Variants in OPCML observed in about 807,000 individuals in gnomAD.
The protein encoded by OPCML is opioid binding protein/cell adhesion molecule like.
A neutral mutation model predicts 37.8 loss-of-function variants in OPCML; 13 were observed. That is an observed-to-expected ratio of 0.34 (90% confidence interval 0.22 to 0.55). The LOEUF (loss-of-function observed/expected upper bound fraction) is 0.55. Among genes scored for constraint, OPCML ranks in the 20% least tolerant of loss-of-function variants. The pLI is 0.91. For synonymous variants in OPCML, 176 were observed against 168.8 expected (o/e 1.04, Z -0.33); for missense variants, 341 against 435.6 (o/e 0.78, Z 1.93).
chr11:133,098,957 C>T (rs1216917480), intron 1 of OPCML, among the ~76,000 whole-genome samples: 2 of 152,158 alleles, frequency 1.3e-5, no homozygotes, highest in Non-Finnish European at 2.9e-5. Context: ...GAGAAACCAA[C>T]TTAGCAATTA....
At chr11:133,194,772 C>G (rs1158861439) in intron 1 of OPCML, among the ~76,000 whole-genome samples, 1 of 152,190 alleles carries the variant, frequency 6.6e-6, no homozygotes, top group Non-Finnish European at 1.5e-5. Flanking sequence ...CTTACCTTTT[C>G]AGCTTCATCC....
In OPCML at chr11:133,328,396, G is replaced by T. The variant is rs186809568; in HGVS notation, c.61+203868C>A. ...TGGTCTCGAACTCCTGACCTCAGGT[G>T]ATCCACCTGCCTCGGCCTCCCAATG... On this transcript the variant is annotated intron_variant, in intron 1 of 7. Transcript: ENST00000524381. 1.4e-3 allele frequency among the ~76,000 whole-genome samples: 219 copies of T among 152,234 alleles called. No individual in the cohort carries two copies. In the South Asian group the frequency reaches 0.016, roughly 11 times the overall value.
chr11:132,461,629 C>T (rs964973639), intron 4 of OPCML, among the ~76,000 whole-genome samples: 19 of 152,084 alleles, frequency 1.2e-4, no homozygotes, highest in African/African-American at 3.4e-4. Context: ...AAGAACTTGG[C>T]CTTATAGCTG....
intron 1 of OPCML, among the ~76,000 whole-genome samples, chr11:133,328,119 C>G (rs746245306): frequency 1.3e-4 from 20 of 151,536 alleles, no homozygotes; most frequent in Non-Finnish European, 2.2e-4. Context: ...ATCTATAAAA[C>G]AGAATAATGA....
At chr11:132,775,434 G>C (rs1946777819) in intron 2 of OPCML, among the ~76,000 whole-genome samples, 1 of 152,192 alleles carries the variant, frequency 6.6e-6, no homozygotes, top group Admixed American at 6.5e-5. Context: ...CTTCTCTACA[G>C]AATTATCTAT....
chr11:133,422,221 T>C, intron 1 of OPCML: 1 of 984,822 alleles, frequency 1.0e-6, no homozygotes, highest in Non-Finnish European at 1.2e-6. Context: ...ACTGATTTTA[T>C]ACCTGAGAGC....
At position 132,441,293 on chromosome 11, in the gene OPCML, A is replaced by G. The variant is rs866669699; in HGVS notation, c.506-3934T>C. Among the ~76,000 whole-genome samples the G allele has an allele frequency of 2.9e-4, 42 of 143,288 alleles. 1 individual carries two copies. The highest frequency in any genetic ancestry group is 7.9e-3 in the Middle Eastern group (2 of 254). The allele number at this position is 143,288 out of a possible 152,430, so 94.0% of individuals were successfully genotyped here. On this transcript the variant is annotated intron_variant, in intron 4 of 7. Coordinates refer to ENST00000524381, the MANE Select transcript of OPCML (RefSeq NM_001012393.5). ...CGCCATTCTCCTGCCTCAGCCTCCC[A>G]AGTAGCTGGGACTGCAGGCGCCCGC...
intron 1 of OPCML, among the ~76,000 whole-genome samples, chr11:133,385,588 A>G (rs1480195164): frequency 6.6e-6 from 1 of 152,070 alleles, no homozygotes; most frequent in Admixed American, 6.5e-5. Context: ...TCCAGTCTCC[A>G]GCCTAGCTGT....
chr11:133,522,285 A>G (rs1366403136), intron 1 of OPCML, among the ~76,000 whole-genome samples: 1 of 152,216 alleles, frequency 6.6e-6, no homozygotes, highest in Non-Finnish European at 1.5e-5. Context: ...TTGATAGTGT[A>G]GTGATGATAA....
intron 3 of OPCML, among the ~76,000 whole-genome samples, chr11:132,552,914 C>T (rs1020566153): frequency 1.3e-5 from 2 of 151,764 alleles, no homozygotes; most frequent in African/African-American, 2.4e-5. Context: ...TACAGGTGCC[C>T]GCCACCATGC....
chr11:133,103,708 C>G (rs1157905563), intron 1 of OPCML, among the ~76,000 whole-genome samples: 2 of 152,218 alleles, frequency 1.3e-5, no homozygotes, highest in East Asian at 3.8e-4. Context: ...TCCCCACTCA[C>G]TATTACCTAC....
At chr11:132,650,782 T>C (rs985830090) in intron 3 of OPCML, among the ~76,000 whole-genome samples, 3 of 152,180 alleles carry the variant, frequency 2.0e-5, no homozygotes, top group African/African-American at 7.2e-5. Context: ...TGCTGGCCTG[T>C]CCTGTTGTTT....
chr11:133,528,898 T>C (rs1319521486), intron 1 of OPCML, among the ~76,000 whole-genome samples: 3 of 152,178 alleles, frequency 2.0e-5, no homozygotes, highest in African/African-American at 7.2e-5. Context: ...CAGGAAGTCA[T>C]GGTCTGAATT....
At chr11:133,372,682 T>C (rs1029909611) in intron 1 of OPCML, among the ~76,000 whole-genome samples, 15 of 152,222 alleles carry the variant, frequency 9.9e-5, no homozygotes, top group Non-Finnish European at 1.6e-4. Flanking sequence ...TAATTATCAT[T>C]ATATTAGGTT....
intron 1 of OPCML, among the ~76,000 whole-genome samples, chr11:132,976,528 G>T (rs180810065): frequency 6.6e-6 from 1 of 152,120 alleles, no homozygotes; most frequent in Non-Finnish European, 1.5e-5. Flanking sequence ...ATGTATAGCC[G>T]CAACCAGTTC....
At chr11:132,814,842 G>T (rs113127481) in intron 2 of OPCML, among the ~76,000 whole-genome samples, 79 of 152,240 alleles carry the variant, frequency 5.2e-4, no homozygotes, top group Non-Finnish European at 9.7e-4. Context: ...TGTGGAAGCA[G>T]CTCACAAGAG....
At chr11:132,926,758 C>T (rs959881187) in intron 2 of OPCML, among the ~76,000 whole-genome samples, 1 of 151,630 alleles carries the variant, frequency 6.6e-6, no homozygotes, top group African/African-American at 2.4e-5. Flanking sequence ...TAAAACTTAC[C>T]TGAAAAGACT....
chr11:133,143,293 G>A (rs1392496604), intron 1 of OPCML, among the ~76,000 whole-genome samples: 3 of 152,150 alleles, frequency 2.0e-5, no homozygotes, highest in Non-Finnish European at 2.9e-5. Flanking sequence ...CCATTTTGGT[G>A]GAACACTATC....
At chr11:132,935,252 T>C (rs1945332683) in intron 2 of OPCML, among the ~76,000 whole-genome samples, 1 of 152,212 alleles carries the variant, frequency 6.6e-6, no homozygotes, top group African/African-American at 2.4e-5. Flanking sequence ...AGAAAATGTT[T>C]CCATATTATC....
Sources: allele counts gnomAD v4.1 joint callset (sites outside exome capture counted in the v4.1 genomes callset), GRCh38; gene constraint gnomAD v4.1.1; transcripts MANE v1.5; gene names NCBI Gene and HGNC (gene_info 2026-07-23, HGNC 2026-07-21).